Variants in AKAP13 observed in about 807,000 individuals in gnomAD.
AKAP13 encodes A-kinase anchor protein 13.
Under a neutral mutation model 264.5 loss-of-function variants are expected in AKAP13, and 80 were observed. That is an observed-to-expected ratio of 0.30 (90% CI 0.25 to 0.36). The LOEUF is 0.36. AKAP13 is among the 10% of genes least tolerant of loss of function. AKAP13 has a pLI of 1.00. For synonymous variants in AKAP13, 1,380 were observed against 1,250.2 expected, an observed-to-expected ratio of 1.10 and a Z score of -2.19; for missense variants, 3,712 against 3,435.2, an observed-to-expected ratio of 1.08 and a Z score of -2.01.
intron 10 of AKAP13, among the ~76,000 whole-genome samples, chr15:85,652,689 C>G (rs1001626422): frequency 6.6e-6 from 1 of 152,136 alleles, no homozygotes; most frequent in Non-Finnish European, 1.5e-5. Flanking sequence ...TCCTAATCAC[C>G]GTGTCAGTGG....
chr15:85,548,412 C>A (rs571311965), intron 5 of AKAP13, among the ~76,000 whole-genome samples: 1 of 152,174 alleles, frequency 6.6e-6, no homozygotes, highest in South Asian at 2.1e-4. Flanking sequence ...AATATTTCTT[C>A]TTGGAGAAAG....
At chr15:85,438,192 A>C (rs1216306954) in intron 1 of AKAP13, among the ~76,000 whole-genome samples, 8 of 143,980 alleles carry the variant, frequency 5.6e-5, no homozygotes, top group Non-Finnish European at 1.0e-4. Flanking sequence ...CAGAGAGCCA[A>C]ATCATGAGTG....
chr15:85,638,572 A>G (rs2082165829), intron 8 of AKAP13, among the ~76,000 whole-genome samples: 1 of 152,178 alleles, frequency 6.6e-6, no homozygotes, highest in Admixed American at 6.5e-5. Flanking sequence ...TGAAATCTTC[A>G]GTGGTAATTT....
chr15:85,659,565 T>C (rs575410475), intron 12 of AKAP13, among the ~76,000 whole-genome samples: 21 of 152,212 alleles, frequency 1.4e-4, no homozygotes, highest in Non-Finnish European at 2.5e-4. Flanking sequence ...TTAAATAAGT[T>C]TTAACCCCAT....
intron 1 of AKAP13, among the ~76,000 whole-genome samples, chr15:85,471,076 G>C (rs1403499441): frequency 1.3e-5 from 2 of 152,176 alleles, no homozygotes; most frequent in African/African-American, 4.8e-5. Context: ...TGTGGAGGAA[G>C]CTGAGATTTT....
intron 1 of AKAP13, among the ~76,000 whole-genome samples, chr15:85,454,943 A>ATTCCT (rs774573703): frequency 2.0e-5 from 3 of 152,196 alleles, no homozygotes; most frequent in Non-Finnish European, 4.4e-5. Context: ...TTAGGCACCA[A>ATTCCT]AAATCACAAT....
intron 1 of AKAP13, among the ~76,000 whole-genome samples, chr15:85,434,194 C>T (rs1379217621): frequency 6.6e-6 from 1 of 152,166 alleles, no homozygotes. Context: ...CTTTCCGAGT[C>T]AAAGAAAGGG....
chr15:85,705,555 A>G lies in AKAP13; in HGVS notation c.5465-2464A>G, dbSNP rs145036585. 2.2e-3 allele frequency among the ~76,000 whole-genome samples: 333 copies of G among 152,372 alleles called. 1 individual carries two copies. Among genetic ancestry groups the G allele is most frequent in the Admixed American group, 5.9e-3 (90 of 15,310 alleles). On this transcript the variant is annotated intron_variant, in intron 17 of 36. Coordinates refer to ENST00000394518, the MANE Select transcript of AKAP13 (RefSeq NM_007200.5). ...ATGGATTATGCAAAAGGATATGGAA[A>G]TGTTTATAAGCAAATCCAAGGAACT...
At chr15:85,414,545 C>G (rs1315215002) in intron 1 of AKAP13, among the ~76,000 whole-genome samples, 1 of 152,124 alleles carries the variant, frequency 6.6e-6, no homozygotes, top group Non-Finnish European at 1.5e-5. Context: ...AAAAAATCCT[C>G]TTGGTATTAA....
chr15:85,675,324 A>G (rs138479224), intron 14 of AKAP13, among the ~76,000 whole-genome samples: 83 of 152,340 alleles, frequency 5.4e-4, no homozygotes, highest in African/African-American at 1.8e-3. Flanking sequence ...ATTTGTACCA[A>G]CATTTCTTTG....
intron 1 of AKAP13, among the ~76,000 whole-genome samples, chr15:85,387,485 C>T (rs2070632492): frequency 6.6e-6 from 1 of 152,086 alleles, no homozygotes; most frequent in African/African-American, 2.4e-5. Flanking sequence ...CATGCACTAC[C>T]TGGCTAATTT....
intron 17 of AKAP13, among the ~76,000 whole-genome samples, chr15:85,700,798 T>C (rs2085867371): frequency 6.6e-6 from 1 of 152,224 alleles, no homozygotes; most frequent in African/African-American, 2.4e-5. Flanking sequence ...AAGATTATAC[T>C]GTGATTGCAA....
At chr15:85,593,981 GTTGT>G (rs1469211683) in intron 8 of AKAP13, among the ~76,000 whole-genome samples, 1 of 152,152 alleles carries the variant, frequency 6.6e-6, no homozygotes, top group East Asian at 1.9e-4. Context: ...TGTTACAAAG[GTTGT>G]TTGTATTAAC....
chr15:85,726,506 T>C lies in AKAP13; in HGVS notation c.6822+20T>C, dbSNP rs750347527. ...TCATTGGTAAGCTGAATTGTTATTT[T>C]TGTAATAGTATTATAAGCAGCTAGT... On this transcript the variant is annotated intron_variant, in intron 27 of 36. Transcript: ENST00000394518. 2 of 1,588,864 alleles carry C rather than the reference T, an allele frequency of 1.3e-6. No homozygotes were observed. Among genetic ancestry groups the C allele is most frequent in the African/African-American group, 1.3e-5 (1 of 74,348 alleles).
At chr15:85,551,136 T>C (rs2077948579) in intron 5 of AKAP13, among the ~76,000 whole-genome samples, 1 of 152,216 alleles carries the variant, frequency 6.6e-6, no homozygotes, top group East Asian at 1.9e-4. Flanking sequence ...AATTAATTTA[T>C]GATGGTTAAT....
intron 14 of AKAP13, among the ~76,000 whole-genome samples, chr15:85,670,292 A>G (rs2083851480): frequency 6.6e-6 from 1 of 152,098 alleles, no homozygotes; most frequent in East Asian, 1.9e-4. Flanking sequence ...AATAAGTTAT[A>G]TCCATAACTC....
chr15:85,581,417 A>T lies in AKAP13; in HGVS notation c.3349A>T (p.Ile1117Phe). The T allele has an allele frequency of 6.2e-7, 1 of 1,614,212 alleles. No homozygotes were observed. Among genetic ancestry groups the T allele is most frequent in the Non-Finnish European group, 8.5e-7 (1 of 1,180,032 alleles). Residue 1117 changes from isoleucine to phenylalanine, a missense_variant, in exon 7 of 37, where the codon ATT becomes TTT. By Grantham distance (21) the Ile-to-Phe change is conservative. Around this residue, in one of 3 missense-constraint regions of AKAP13, gnomAD observed 2,759 missense variants for 2,411.7 expected, o/e 1.14. Transcript: ENST00000394518. ...ATCACACAACACCCAAGACATCCTG[A>T]TTCCAAACGTCTTGTTGAGCCAAGA... is the stretch of plus-strand genomic sequence containing the variant. ...NISHNTQDIL[I>F]PNVLLSQEKN...
intron 2 of AKAP13, among the ~76,000 whole-genome samples, chr15:85,486,095 C>T (rs1596315469): frequency 6.6e-6 from 1 of 152,284 alleles, no homozygotes; most frequent in East Asian, 1.9e-4. Context: ...GGAGATCCTC[C>T]TACTGCCACT....
intron 5 of AKAP13, among the ~76,000 whole-genome samples, chr15:85,556,330 C>G (rs2078145818): frequency 6.6e-6 from 1 of 152,162 alleles, no homozygotes; most frequent in Non-Finnish European, 1.5e-5. Flanking sequence ...TTTGCTTTCA[C>G]CAGTATCACT....
Sources: gnomAD v4.1 joint callset for allele counts (sites outside exome capture counted in the v4.1 genomes callset) on GRCh38, gnomAD v4.1.1 for gene constraint, gnomAD v4.1.1 regional missense constraint, MANE v1.5 for transcripts, NCBI Gene and HGNC (gene_info 2026-07-23, HGNC 2026-07-21) for gene names.